PLXNB1: variants seen among roughly 807,000 people sequenced by gnomAD.
PLXNB1 encodes the protein plexin B1.
PLXNB1 carries 106 observed loss-of-function variants against 209.4 expected under a neutral mutation model. The ratio of observed to expected loss-of-function variants is 0.51; its 90% CI spans 0.43 to 0.59. The LOEUF is 0.59. Ranked by LOEUF, PLXNB1 falls within the 20% of genes least tolerant of loss-of-function variation. PLXNB1 has a pLI of 0.00. For missense variants in PLXNB1, 2,357 were observed against 2,853.2 expected (o/e 0.83, Z 3.96); for synonymous variants, 1,167 against 1,183.2 (o/e 0.99, Z 0.28).
intron 8 of PLXNB1, 98 bp from the exon 9 acceptor site, chr3:48,421,054 G>T: frequency 7.9e-7 from 1 of 1,269,468 alleles, no homozygotes. Context: ...GAGGACCCGG[G>T]ATGAGGGAAT....
Position 48,423,863 on chromosome 3 carries a change from C to A in PLXNB1, c.749G>T (p.Arg250Leu). ...QSRAFRAYVS[R>L]VCLRDQHYYS... is the part of the protein sequence containing the mutation. ...GTAGTGCTGGTCCCGGAGACACACT[C>A]GAGATACATAGGCACGAAAAGCTCT... Residue 250 changes from arginine (R) to leucine (L), a missense_variant, in exon 3 of 38, where the codon CGA becomes CTA. By Grantham distance (102) the Arg-to-Leu change is moderately radical. Coordinates refer to ENST00000296440, the MANE Select transcript of PLXNB1 (RefSeq NM_001130082.3). The A allele has an allele frequency of 6.2e-7, 1 of 1,614,038 alleles. No individual in the cohort carries two copies. Among genetic ancestry groups the A allele is most frequent in the Non-Finnish European group, 8.5e-7 (1 of 1,180,024 alleles).
rs917875776 is a variant in PLXNB1 at position 48,409,068 on chromosome 3, A to G, written c.6087+261T>C. ...GACCAACTGGCCCTGGCCTACTGCCACGCCTGGCCAGCATTCTATGCCCCA... is the reference window on the plus strand; with the variant it reads ...GACCAACTGGCCCTGGCCTACTGCCGCGCCTGGCCAGCATTCTATGCCCCA... On this transcript the variant is annotated intron_variant, in intron 34 of 37. Transcript: ENST00000296440. This position sits in a 1 kb window ranked among gnomAD's most constrained non-coding sequence, Gnocchi z 5.8. Among the ~76,000 whole-genome samples, 2 of 152,158 alleles carry G rather than the reference A, an allele frequency of 1.3e-5. No homozygotes were observed. The highest frequency in any genetic ancestry group is 3.9e-4 in the East Asian group (2 of 5,192).
At chr3:48,422,661 C>A in intron 4 of PLXNB1, 104 bp downstream of exon 4, 1 of 1,351,354 alleles carries the variant, frequency 7.4e-7, no homozygotes, top group Non-Finnish European at 1.0e-6. Context: ...CAGGTCATCT[C>A]TCCTGGCCCA....
At position 48,423,495 on chromosome 3, in the gene PLXNB1, TG is replaced by T; in HGVS notation, c.1107+9del. 1.2e-6 allele frequency: 2 copies of T among 1,607,994 alleles called. No individual in the cohort carries two copies. The highest frequency in any genetic ancestry group is 1.7e-6 in the Non-Finnish European group (2 of 1,175,150). ...GAGAGGCGGAAAAGTGGGGCAATACTGGAACTCACCACTGGCAGCTGTGCAC... is the reference window on the plus strand; with the variant it reads ...GAGAGGCGGAAAAGTGGGGCAATACTGAACTCACCACTGGCAGCTGTGCAC... On this transcript the variant is annotated intron_variant, in intron 3 of 37. Transcript: ENST00000296440.
Position 48,424,612 on chromosome 3 carries a change from G to T in PLXNB1, c.-1C>A. 6.5e-7 allele frequency: 1 copy of T among 1,536,622 alleles called. No individual in the cohort carries two copies. Among genetic ancestry groups the T allele is most frequent in the South Asian group, 1.2e-5 (1 of 84,022 alleles). On this transcript the variant is annotated 5_prime_UTR_variant, in exon 3 of 38. Transcript: ENST00000296440. ...GAAGAGCTGGGCCCAGAGCAGGCAT[G>T]GTCACCTGGCAGGAAGAGAGGTCGA...
rs200186744 is a variant in PLXNB1, at chr3:48,420,767, C to G, written c.1926G>C (p.Gln642His). The G allele has an allele frequency of 6.2e-7, 1 of 1,614,118 alleles. No individual in the cohort carries two copies. Among genetic ancestry groups the G allele is most frequent in the Non-Finnish European group, 8.5e-7 (1 of 1,179,992 alleles). Residue 642 changes from glutamine to histidine, a missense_variant, in exon 10 of 38, where the codon CAG becomes CAC. Gln to His is a conservative substitution (Grantham distance 24, BLOSUM62 0). This residue lies in a region of PLXNB1 where 214 missense variants were observed against 297.1 expected (regional missense o/e 0.72). Coordinates refer to ENST00000296440, the MANE Select transcript of PLXNB1 (RefSeq NM_001130082.3). ...ACCCCCAGCGGCTGCTCACACAGGC[C>G]TGGCACCTGCACAGAGCACAGCCAT... ...VTELRPSAQC[Q>H]ACVSSRWGCN...
At chr3:48,425,567 G>A (rs767342092) in intron 1 of PLXNB1, among the ~76,000 whole-genome samples, 2 of 151,916 alleles carry the variant, frequency 1.3e-5, no homozygotes, top group African/African-American at 2.4e-5. Flanking sequence ...GAGGGGCCTG[G>A]GAAAGGTCAG....
rs779690597 is a variant in PLXNB1, at chr3:48,419,373, G to A, written c.2710-7C>T. On this transcript the variant is annotated splice_polypyrimidine_tract_variant and splice_region_variant and intron_variant, in intron 11 of 37. Transcript: ENST00000296440. This position sits in a 1 kb window ranked among gnomAD's most constrained non-coding sequence, Gnocchi z 5.7. ...CCCCCAAGGTCGCCTCTTCCTGCAG[G>A]CACCAAGGGCAAGGCAGTCTATGGA... 9 of 1,550,430 alleles carry A rather than the reference G, an allele frequency of 5.8e-6. No homozygotes were observed. The South Asian group carries it at 1.1e-4, about 19-fold the overall frequency.
chr3:48,425,953 C>T (rs1317323582), intron 1 of PLXNB1, among the ~76,000 whole-genome samples: 1 of 152,162 alleles, frequency 6.6e-6, no homozygotes, highest in South Asian at 2.1e-4. Flanking sequence ...CTCCCCCACA[C>T]AGAAACACAC....
At chr3:48,423,384 T>C (rs2038659945) in intron 3 of PLXNB1, 121 bp downstream of exon 3, 2 of 1,092,666 alleles carry the variant, frequency 1.8e-6, no homozygotes, top group East Asian at 2.4e-5. Context: ...TAATATTTGC[T>C]GATCTGATCA....
chr3:48,405,007 C>T lies in PLXNB1; in HGVS notation c.6304-417G>A, dbSNP rs2037227559. 6.6e-6 allele frequency among the ~76,000 whole-genome samples: 1 copy of T among 152,152 alleles called. No individual in the cohort carries two copies. The highest frequency in any genetic ancestry group is 2.1e-4 in the South Asian group (1 of 4,834). On this transcript the variant is annotated intron_variant, in intron 37 of 37. Transcript: ENST00000296440. The surrounding 1 kb of genome is among the most constrained non-coding windows in gnomAD (Gnocchi z 5.0). ...CGAACCACGAATTTGGGGCTGCCAC[C>T]AAGGGAACCGGTAGGAACCGGAGGG...
In PLXNB1 at chr3:48,422,758, G is replaced by A; in HGVS notation, c.1290+7C>T. ...GGGGCAGGGGCCAGTACTTCCTGTGGGCTCACCCTGTGCAGCTGCCCTTGA... is the reference window on the plus strand; with the variant it reads ...GGGGCAGGGGCCAGTACTTCCTGTGAGCTCACCCTGTGCAGCTGCCCTTGA... On this transcript the variant is annotated splice_region_variant and intron_variant, in intron 4 of 37. Transcript: ENST00000296440. The A allele has an allele frequency of 6.2e-7, 1 of 1,612,590 alleles. No homozygotes were observed.
At chr3:48,427,908 T>C (rs1292675176) in intron 1 of PLXNB1, among the ~76,000 whole-genome samples, 2 of 152,206 alleles carry the variant, frequency 1.3e-5, no homozygotes, top group African/African-American at 4.8e-5. Context: ...TCAGATTTCC[T>C]AGTTGTACAA....
rs1360680309 is a variant in PLXNB1 at position 48,415,052 on chromosome 3, G to A, written c.3967-11C>T. On this transcript the variant is annotated splice_polypyrimidine_tract_variant and intron_variant, in intron 20 of 37. Coordinates refer to ENST00000296440, the MANE Select transcript of PLXNB1 (RefSeq NM_001130082.3). The surrounding 1 kb of genome is among the most constrained non-coding windows in gnomAD (Gnocchi z 5.0). ...GCACGGCTCCTCAAACTGGAAGGAA[G>A]ACAGGCAGGTTGACGAGGGGCCAAG... The A allele has an allele frequency of 1.2e-6, 2 of 1,611,508 alleles. No homozygotes were observed. The highest frequency in any genetic ancestry group is 1.7e-4 in the Middle Eastern group (1 of 6,050).
Position 48,419,886 on chromosome 3 carries a change from C to A in PLXNB1, c.2400G>T (p.Val800=). 4 of 1,564,774 alleles carry A rather than the reference C, an allele frequency of 2.6e-6. No individual in the cohort carries two copies. The highest frequency in any genetic ancestry group is 2.6e-6 in the Non-Finnish European group (3 of 1,153,258). The change falls in exon 11 of 38, where the codon GTG becomes GTT. Residue 800 remains valine (V), a synonymous_variant. Coordinates refer to ENST00000296440, the MANE Select transcript of PLXNB1 (RefSeq NM_001130082.3). This position sits in a 1 kb window ranked among gnomAD's most constrained non-coding sequence, Gnocchi z 5.7. ...SPLSPSEVAA[V]PPADPGPEAL... ...CCTCGGGGCCAGGGTCTGCAGGGGG[C>A]ACTGCTGCTACCTCTGAGGGTGACA...
Position 48,409,907 on chromosome 3 carries a change from T to C in PLXNB1, c.5776A>G (p.Lys1926Glu). The stretch of plus-strand genomic sequence containing the variant: ...CTACCTTGGCAGCCCCACCCCACCT[T>C]CATGGACAGCAGGCGGGTCAGGTAG... Reference protein sequence around the residue: ...EIYLTRLLSMKGTLQKFVDDL... With the variant: ...EIYLTRLLSMEGTLQKFVDDL... Residue 1926 changes from lysine to glutamate, a missense_variant and splice_region_variant, in exon 32 of 38, where the codon AAG (lysine) becomes GAG (glutamate). By Grantham distance (56) the Lys-to-Glu change is moderately conservative. Around this residue, in one of 7 missense-constraint regions of PLXNB1, gnomAD observed 414 missense variants for 520.5 expected, o/e 0.80. Coordinates refer to ENST00000296440, the MANE Select transcript of PLXNB1 (RefSeq NM_001130082.3). This position sits in a 1 kb window ranked among gnomAD's most constrained non-coding sequence, Gnocchi z 5.8. 6.2e-7 allele frequency: 1 copy of C among 1,610,290 alleles called. No individual in the cohort carries two copies.
Position 48,419,847 on chromosome 3 carries a change from T to G in PLXNB1, c.2439A>C (p.Thr813=). ...TGGCAGGGGGCAGGTCCAGGGGCAC[T>G]GTGGGATGAAGAGCCTCGGGGCCAG... ...ADPGPEALHP[T]VPLDLPPATV... The change falls in exon 11 of 38, where the codon ACA becomes ACC. Residue 813 remains threonine, a synonymous_variant. Coordinates refer to ENST00000296440, the MANE Select transcript of PLXNB1 (RefSeq NM_001130082.3). The surrounding 1 kb of genome is among the most constrained non-coding windows in gnomAD (Gnocchi z 5.7). 1 of 1,574,602 alleles carries G rather than the reference T, an allele frequency of 6.4e-7. No individual in the cohort carries two copies. Among genetic ancestry groups the G allele is most frequent in the South Asian group, 1.2e-5 (1 of 85,770 alleles).
In PLXNB1 at chr3:48,411,731, G is replaced by A; in HGVS notation, c.5247+132C>T. ...TCTGATGGGCTCTCTCCAGGAGCCAGCCAGAGGTCAACCCAGCTCTACATC... is the reference window on the plus strand; with the variant it reads ...TCTGATGGGCTCTCTCCAGGAGCCAACCAGAGGTCAACCCAGCTCTACATC... On this transcript the variant is annotated intron_variant, in intron 28 of 37. Transcript: ENST00000296440. This position sits in a 1 kb window ranked among gnomAD's most constrained non-coding sequence, Gnocchi z 4.0. 3 of 1,056,596 alleles carry A rather than the reference G, an allele frequency of 2.8e-6. No individual in the cohort carries two copies. Among genetic ancestry groups the A allele is most frequent in the South Asian group, 3.0e-5 (2 of 65,746 alleles). The allele number at this position is 1,056,596 out of a possible 1,614,324, so 65.5% of individuals were successfully genotyped here.
chr3:48,422,900 G>A lies in PLXNB1; in HGVS notation c.1155C>T (p.Pro385=). ...CTTCCAGCGGGACCCGGCTGGCCATGGGGCTGGGCGTGTGGTCTGAGCCAC... is the reference window on the plus strand; with the variant it reads ...CTTCCAGCGGGACCCGGCTGGCCATAGGGCTGGGCGTGTGGTCTGAGCCAC... ...YPCGSDHTPS[P]MASRVPLEAT... The change falls in exon 4 of 38, where the codon CCC becomes CCT. Residue 385 remains proline, a synonymous_variant. Transcript: ENST00000296440. The A allele has an allele frequency of 6.2e-7, 1 of 1,614,114 alleles. No individual in the cohort carries two copies. Among genetic ancestry groups the A allele is most frequent in the Non-Finnish European group, 8.5e-7 (1 of 1,179,976 alleles).
Sources: gnomAD v4.1 joint callset for allele counts (sites outside exome capture counted in the v4.1 genomes callset) on GRCh38, gnomAD v4.1.1 for gene constraint, gnomAD v4.1.1 regional missense constraint, Gnocchi (gnomAD v3.1) non-coding constraint, MANE v1.5 for transcripts, NCBI Gene and HGNC (gene_info 2026-07-23, HGNC 2026-07-21) for gene names.